Variants in SLC39A7 observed in about 807,000 individuals in gnomAD.
The protein encoded by SLC39A7 is solute carrier family 39 member 7.
In SLC39A7, 25 loss-of-function variants were observed where a neutral mutation model predicts 39.7. That is an observed-to-expected ratio of 0.63 (90% CI 0.46 to 0.88). The LOEUF is 0.88. SLC39A7 is among the 40% of genes least tolerant of loss of function. The probability of loss-of-function intolerance (pLI) is 0.00; values close to 1 mark genes in which losing one functional copy is unlikely to be tolerated. For missense variants in SLC39A7, 501 were observed against 592.1 expected (o/e 0.85, Z 1.60); for synonymous variants, 181 against 234.1 (o/e 0.77, Z 2.07).
chr6:33,204,349 T>G lies in SLC39A7; in HGVS notation c.*536T>G. 1 of 560,372 alleles carries G rather than the reference T, an allele frequency of 1.8e-6. No homozygotes were observed. The highest frequency in any genetic ancestry group is 3.2e-6 in the Non-Finnish European group (1 of 311,882). 34.7% of individuals were successfully genotyped at this position (560,372 alleles called of 1,614,324 possible). A position where few individuals can be genotyped will look rare whatever the true frequency, so the allele number is the denominator to read the frequency against. ...AGTTGGTATTCTCATGGCCTGATTT[T>G]TTTTGTTTCTATTCCTTTTATATCA... On this transcript the variant is annotated 3_prime_UTR_variant, in exon 7 of 7. Transcript: ENST00000374677.
Position 33,201,499 on chromosome 6 carries a change from A to G in SLC39A7, c.254A>G (p.His85Arg). ...HTHDHDHGHS[H>R]EDLHHGHSHG... ...CACGATCACGACCATGGACATTCACATGAGGATTTACACCATGGCCATAGC... is the reference window on the plus strand; with the variant it reads ...CACGATCACGACCATGGACATTCACGTGAGGATTTACACCATGGCCATAGC... The change falls in exon 1 of 7, where the codon CAT becomes CGT. Residue 85 changes from histidine to arginine, a missense_variant. Coordinates refer to ENST00000374677, the MANE Select transcript of SLC39A7 (RefSeq NM_006979.3). This position sits in a 1 kb window ranked among gnomAD's most constrained non-coding sequence, Gnocchi z 5.9. 1 of 1,614,098 alleles carries G rather than the reference A, an allele frequency of 6.2e-7. No individual in the cohort carries two copies. Among genetic ancestry groups the G allele is most frequent in the Non-Finnish European group, 8.5e-7 (1 of 1,179,994 alleles).
Position 33,203,847 on chromosome 6 carries a change from A to C in SLC39A7, c.*34A>C. The C allele has an allele frequency of 2.5e-6, 4 of 1,609,282 alleles. No homozygotes were observed. Among genetic ancestry groups the C allele is most frequent in the Non-Finnish European group, 3.4e-6 (4 of 1,176,958 alleles). On this transcript the variant is annotated 3_prime_UTR_variant, in exon 7 of 7. Transcript: ENST00000374677. ...TAAACTACCCCTGCCCCAAACCTCT[A>C]CCCCTAACTCCAGGTCAGGGGTGCG...
At position 33,201,355 on chromosome 6, in the gene SLC39A7, A is replaced by G; in HGVS notation, c.110A>G (p.Asp37Gly). 1.2e-6 allele frequency: 2 copies of G among 1,613,986 alleles called. No individual in the cohort carries two copies. Among genetic ancestry groups the G allele is most frequent in the Non-Finnish European group, 1.7e-6 (2 of 1,179,976 alleles). ...GGGGGTCATGACGACCTGCACGACG[A>G]TCTGCAAGAGGACTTCCATGGCCAC... ...GLGGHDDLHDDLQEDFHGHSH... is the reference protein window; with the variant it reads ...GLGGHDDLHDGLQEDFHGHSH... Residue 37 changes from aspartate to glycine, a missense_variant, in exon 1 of 7, where the codon GAT (aspartate) becomes GGT (glycine). By Grantham distance (94) the Asp-to-Gly change is moderately conservative. Transcript: ENST00000374677. This position sits in a 1 kb window ranked among gnomAD's most constrained non-coding sequence, Gnocchi z 5.9.
chr6:33,204,304 G>C lies in SLC39A7; in HGVS notation c.*491G>C. On this transcript the variant is annotated 3_prime_UTR_variant, in exon 7 of 7. Transcript: ENST00000374677. ...TGTCCTGATTTGGGAGTGATTGGGG[G>C]GATGGGGTGGGAGAGGGTTAGTTGG... 1 of 519,416 alleles carries C rather than the reference G, an allele frequency of 1.9e-6. No homozygotes were observed. Among genetic ancestry groups the C allele is most frequent in the Non-Finnish European group, 3.5e-6 (1 of 288,010 alleles). The allele number at this position is 519,416 out of a possible 1,614,324, so 32.2% of individuals were successfully genotyped here.
Position 33,201,871 on chromosome 6 carries a change from C to CTTAGTGGTAGGGAATGATT in SLC39A7, c.539_540insTAGTGGTAGGGAATGATTT (p.Leu181SerfsTer5). On this transcript the variant is annotated stop_gained and frameshift_variant, in exon 2 of 7. Transcript: ENST00000374677. LOFTEE classifies it high-confidence loss of function. The surrounding 1 kb of genome is among the most constrained non-coding windows in gnomAD (Gnocchi z 5.9). ...CTTGCTCAGTTTTGCTTCCGGTGGGCTCCTGGGAGATGCTTTCCTGCACCT... is the reference window on the plus strand; with the variant it reads ...CTTGCTCAGTTTTGCTTCCGGTGGGCTTAGTGGTAGGGAATGATTTCCTGGGAGATGCTTTCCTGCACCT... 1.2e-6 allele frequency: 2 copies of CTTAGTGGTAGGGAATGATT among 1,613,000 alleles called. No individual in the cohort carries two copies. The highest frequency in any genetic ancestry group is 1.7e-6 in the Non-Finnish European group (2 of 1,180,014).
rs111371280 is a variant in SLC39A7 at position 33,201,240 on chromosome 6, A to C, written c.-6A>C. 1 of 1,606,618 alleles carries C rather than the reference A, an allele frequency of 6.2e-7. No individual in the cohort carries two copies. The highest frequency in any genetic ancestry group is 1.1e-5 in the South Asian group (1 of 90,664). ...AGTCACTGCCTCTGTCCCTCTGGTC[A>C]GCGTGATGGCCAGAGGCCTGGGGGC... On this transcript the variant is annotated 5_prime_UTR_variant, in exon 1 of 7. Coordinates refer to ENST00000374677, the MANE Select transcript of SLC39A7 (RefSeq NM_006979.3). The surrounding 1 kb of genome is among the most constrained non-coding windows in gnomAD (Gnocchi z 5.9).
rs1215647656 is a variant in SLC39A7 at position 33,201,690 on chromosome 6, G to T, written c.411+34G>T. 3 of 1,611,208 alleles carry T rather than the reference G, an allele frequency of 1.9e-6. No individual in the cohort carries two copies. In the Admixed American group the frequency reaches 5.0e-5, roughly 27 times the overall value. ...CCAGGGGATGGGAGAGAGAAGGGCT[G>T]GTTCTGGATTGTTGGGAAACTCCAC... On this transcript the variant is annotated intron_variant, in intron 1 of 6. Coordinates refer to ENST00000374677, the MANE Select transcript of SLC39A7 (RefSeq NM_006979.3). The surrounding 1 kb of genome is among the most constrained non-coding windows in gnomAD (Gnocchi z 5.9).
At position 33,202,362 on chromosome 6, in the gene SLC39A7, G is replaced by A. The variant is rs1211351474; in HGVS notation, c.734G>A (p.Gly245Asp). The change falls in exon 4 of 7, where the codon GGT becomes GAT. Residue 245 changes from glycine to aspartate, a missense_variant. Transcript: ENST00000374677. ...KFVRHVKGGH[G>D]HSHGHGHAHS... ...GTGAGACATGTGAAAGGAGGACATG[G>A]TCACAGTCATGGACATGGACACGCT... 4 of 1,612,886 alleles carry A rather than the reference G, an allele frequency of 2.5e-6. 1 individual carries two copies. The South Asian group carries it at 4.4e-5, about 18-fold the overall frequency.
At position 33,203,602 on chromosome 6, in the gene SLC39A7, T is replaced by A; in HGVS notation, c.1199T>A (p.Leu400His). The A allele has an allele frequency of 6.2e-7, 1 of 1,614,212 alleles. No individual in the cohort carries two copies. The highest frequency in any genetic ancestry group is 8.5e-7 in the Non-Finnish European group (1 of 1,180,010). Residue 400 changes from leucine (L) to histidine (H), a missense_variant, in exon 7 of 7, where the codon CTC becomes CAC. Coordinates refer to ENST00000374677, the MANE Select transcript of SLC39A7 (RefSeq NM_006979.3). ...GALAGTACALLTEGGAVGSEI... is the reference protein window; with the variant it reads ...GALAGTACALHTEGGAVGSEI... ...CTGGCAGGCACAGCCTGTGCCCTTCTCACTGAAGGAGGAGCAGTGGGCAGT... is the reference window on the plus strand; with the variant it reads ...CTGGCAGGCACAGCCTGTGCCCTTCACACTGAAGGAGGAGCAGTGGGCAGT...
Position 33,202,755 on chromosome 6 carries a change from T to C in SLC39A7, c.940+55T>C. The C allele has an allele frequency of 5.1e-6, 8 of 1,568,248 alleles. No homozygotes were observed. In the South Asian group the frequency reaches 6.0e-5, roughly 12 times the overall value. ...GCAAGGGACATCATCACAAATCACA[T>C]GGAATATGTGCTGTGGGTAATGGCA... is the stretch of plus-strand genomic sequence containing the variant. On this transcript the variant is annotated intron_variant, in intron 5 of 6. Coordinates refer to ENST00000374677, the MANE Select transcript of SLC39A7 (RefSeq NM_006979.3).
At chr6:33,203,391 G>A (rs1774771002) in intron 6 of SLC39A7, 150 bp from the exon 7 acceptor site, 3 of 840,296 alleles carry the variant, frequency 3.6e-6, no homozygotes, top group Non-Finnish European at 5.4e-6. Flanking sequence ...TTCAGAAATT[G>A]TCTATTCTAG....
intron 5 of SLC39A7, 25 bp from the exon 6 acceptor site, chr6:33,202,885 A>G (rs1774719088): frequency 6.3e-7 from 1 of 1,593,788 alleles, no homozygotes; most frequent in Non-Finnish European, 8.5e-7. Context: ...GCCTCTGATC[A>G]TTTTCTCTTC....
Position 33,204,125 on chromosome 6 carries a change from A to G in SLC39A7, c.*312A>G. On this transcript the variant is annotated 3_prime_UTR_variant, in exon 7 of 7. Transcript: ENST00000374677. Reference sequence around the variant, plus strand: ...CAGCCTACCTGGTGTCCCCTACCCCACCTGTTCTCGGAGAACCAAGTTGCT... The same window carrying G: ...CAGCCTACCTGGTGTCCCCTACCCCGCCTGTTCTCGGAGAACCAAGTTGCT... The G allele has an allele frequency of 1.9e-6, 1 of 527,754 alleles. No homozygotes were observed. Among genetic ancestry groups the G allele is most frequent in the Non-Finnish European group, 3.4e-6 (1 of 294,564 alleles). 32.7% of individuals were successfully genotyped at this position (527,754 alleles called of 1,614,324 possible). A position where few individuals can be genotyped will look rare whatever the true frequency, so the allele number is the denominator to read the frequency against.
In SLC39A7 at chr6:33,202,377, A is replaced by G. The variant is rs184506462; in HGVS notation, c.749A>G (p.His250Arg). Residue 250 changes from histidine to arginine, a missense_variant, in exon 4 of 7, where the codon CAT becomes CGT. By Grantham distance (29) the His-to-Arg change is conservative. Transcript: ENST00000374677. ...VKGGHGHSHG[H>R]GHAHSHTRGS... is the part of the protein sequence containing the mutation. Reference sequence around the variant, plus strand: ...GGAGGACATGGTCACAGTCATGGACATGGACACGCTCACAGTCATACACGT... The same window carrying G: ...GGAGGACATGGTCACAGTCATGGACGTGGACACGCTCACAGTCATACACGT... The G allele has an allele frequency of 1.9e-6, 3 of 1,612,862 alleles. No individual in the cohort carries two copies. Among genetic ancestry groups the G allele is most frequent in the Admixed American group, 3.3e-5 (2 of 60,026 alleles).
intron 6 of SLC39A7, 87 bp from the exon 7 acceptor site, chr6:33,203,454 C>T (rs1020953217): frequency 1.5e-6 from 2 of 1,370,486 alleles, no homozygotes; most frequent in African/African-American, 1.4e-5. Context: ...ATCCATGTCC[C>T]CTATACCTAT....
chr6:33,201,304 C>T lies in SLC39A7; in HGVS notation c.59C>T (p.Thr20Ile). The T allele has an allele frequency of 1.2e-6, 2 of 1,613,978 alleles. No individual in the cohort carries two copies. The highest frequency in any genetic ancestry group is 1.7e-6 in the Non-Finnish European group (2 of 1,179,980). ...GCCGTGGGACTGCTGACCTGGGCGA[C>T]CTTGGGGCTTCTGGTGGCTGGACTC... Reference protein sequence around the residue: ...WVAVGLLTWATLGLLVAGLGG... With the variant: ...WVAVGLLTWAILGLLVAGLGG... Residue 20 changes from threonine (T) to isoleucine (I), a missense_variant, in exon 1 of 7, where the codon ACC becomes ATC. Thr to Ile is a moderately conservative substitution (Grantham distance 89). Transcript: ENST00000374677. This position sits in a 1 kb window ranked among gnomAD's most constrained non-coding sequence, Gnocchi z 5.9.
chr6:33,202,612 A>G lies in SLC39A7; in HGVS notation c.852A>G (p.Arg284=), dbSNP rs1182967923. The change falls in exon 5 of 7, where the codon AGA becomes AGG. Residue 284 remains arginine (R), a synonymous_variant. Coordinates refer to ENST00000374677, the MANE Select transcript of SLC39A7 (RefSeq NM_006979.3). Reference sequence around the variant, plus strand: ...CAGAGGAAGAAGAAAAGGAAACAAGAGGGGTTCAGAAGAGGCGAGGAGGGA... The same window carrying G: ...CAGAGGAAGAAGAAAAGGAAACAAGGGGGGTTCAGAAGAGGCGAGGAGGGA... ...QSSEEEEKET[R]GVQKRRGGST... is the part of the protein sequence containing the mutation. 6.2e-7 allele frequency: 1 copy of G among 1,611,564 alleles called. No homozygotes were observed. Among genetic ancestry groups the G allele is most frequent in the Non-Finnish European group, 8.5e-7 (1 of 1,179,700 alleles).
rs368294462 is a variant in SLC39A7 at position 33,204,222 on chromosome 6, T to C, written c.*409T>C. On this transcript the variant is annotated 3_prime_UTR_variant, in exon 7 of 7. Coordinates refer to ENST00000374677, the MANE Select transcript of SLC39A7 (RefSeq NM_006979.3). ...GTGGAGGCTTCAGGGAAGACCAGAG[T>C]CCTGGACAGAGAGGGTAACAGGAGG... 4 of 462,944 alleles carry C rather than the reference T, an allele frequency of 8.6e-6. No homozygotes were observed. Among genetic ancestry groups the C allele is most frequent in the African/African-American group, 7.9e-5 (4 of 50,824 alleles). The allele number at this position is 462,944 out of a possible 1,614,324, so 28.7% of individuals were successfully genotyped here.
Position 33,203,771 on chromosome 6 carries a change from G to A in SLC39A7, c.1368G>A (p.Leu456=), listed in dbSNP as rs1774802855. The A allele has an allele frequency of 6.2e-7, 1 of 1,614,012 alleles. No individual in the cohort carries two copies. Among genetic ancestry groups the A allele is most frequent in the Non-Finnish European group, 8.5e-7 (1 of 1,179,982 alleles). ...LQSLLEVLGL[L]GGVIMMVLIA... ...CACTTCTGGAGGTGCTGGGGCTGCT[G>A]GGGGGAGTTATCATGATGGTGCTGA... Residue 456 remains leucine (L), a synonymous_variant, in exon 7 of 7, where the codon CTG becomes CTA. Transcript: ENST00000374677.
Sources: allele counts gnomAD v4.1 joint callset, GRCh38; gene constraint gnomAD v4.1.1; non-coding constraint Gnocchi (gnomAD v3.1); transcripts MANE v1.5; gene names NCBI Gene and HGNC (gene_info 2026-07-23, HGNC 2026-07-21).